The following METTL15 variants were observed in gnomAD, a reference collection of about 807,000 sequenced individuals.
METTL15 encodes 12S rRNA N(4)-cytidine methyltransferase METTL15.
A neutral mutation model predicts 38.3 loss-of-function variants in METTL15; 34 were observed. That is an observed-to-expected ratio of 0.89 (90% CI 0.68 to 1.18). METTL15 has a LOEUF of 1.18. Ranked by LOEUF, METTL15 falls within the 50% of genes most tolerant of loss-of-function variation. The probability of loss-of-function intolerance (pLI) is 0.00; values close to 1 mark genes in which losing one functional copy is unlikely to be tolerated. For missense variants in METTL15, 438 were observed against 498.4 expected (o/e 0.88, Z 1.15); for synonymous variants, 162 against 170.9 (o/e 0.95, Z 0.41).
At chr11:28,346,682 C>G (rs1849998614) in intron 3 of METTL15, among the ~76,000 whole-genome samples, 1 of 152,096 alleles carries the variant, frequency 6.6e-6, no homozygotes, top group Admixed American at 6.6e-5. Context: ...TACTTTACAA[C>G]AATAACAATG....
At chr11:28,327,286 C>T (rs1209836442) in intron 6 of METTL15, among the ~76,000 whole-genome samples, 8 of 152,102 alleles carry the variant, frequency 5.3e-5, no homozygotes, top group Admixed American at 4.6e-4. Context: ...GTGAGAAGGC[C>T]CCAGAAGGAA....
chr11:28,119,208 A>G (rs1852103034), intron 3 of METTL15, among the ~76,000 whole-genome samples: 1 of 152,200 alleles, frequency 6.6e-6, no homozygotes, highest in Non-Finnish European at 1.5e-5. Context: ...TGATGAGATT[A>G]TTTGTTCAAT....
chr11:28,497,607 T>G (rs1851546416), intron 6 of METTL15, among the ~76,000 whole-genome samples: 1 of 152,182 alleles, frequency 6.6e-6, no homozygotes, highest in Admixed American at 6.6e-5. Flanking sequence ...TTCTCACAAT[T>G]CTAGAGGCTG....
Position 28,341,317 on chromosome 11 carries a change from A to T in METTL15, c.*190-10773A>T, listed in dbSNP as rs147528966. 5.8e-3 allele frequency among the ~76,000 whole-genome samples: 880 copies of T among 152,164 alleles called. 5 individuals carry two copies. Among genetic ancestry groups the T allele is most frequent in the African/African-American group, 0.018 (754 of 41,530 alleles). The stretch of plus-strand genomic sequence containing the variant: ...GTATCTCAAAACTTAAAGTATAATT[A>T]AAAAAAATTTGCTATTCTATTTACT... On this transcript the variant is annotated intron_variant and NMD_transcript_variant, in intron 3 of 7. Coordinates refer to the METTL15 transcript ENST00000532947.
chr11:28,278,112 A>G (rs1263158016), intron 4 of METTL15, among the ~76,000 whole-genome samples: 1 of 152,170 alleles, frequency 6.6e-6, no homozygotes, highest in Non-Finnish European at 1.5e-5. Flanking sequence ...GTACAAAAAC[A>G]ACAACCCAGA....
intron 3 of METTL15, among the ~76,000 whole-genome samples, chr11:28,149,261 G>T (rs537378607): frequency 2.7e-5 from 4 of 150,576 alleles, no homozygotes; most frequent in Non-Finnish European, 5.9e-5. Context: ...ATTAGAGGTT[G>T]TTCATAAAGT....
intron 6 of METTL15, among the ~76,000 whole-genome samples, chr11:28,498,543 A>G (rs966504855): frequency 2.0e-5 from 3 of 152,202 alleles, no homozygotes; most frequent in Non-Finnish European, 4.4e-5. Context: ...CTAAGCAACT[A>G]TCTTTGCAAT....
At chr11:28,514,566 A>G (rs1851703570) in intron 6 of METTL15, among the ~76,000 whole-genome samples, 2 of 152,226 alleles carry the variant, frequency 1.3e-5, no homozygotes, top group South Asian at 4.1e-4. Context: ...ACTTGCAACT[A>G]AAAGCATGCT....
intron 5 of METTL15, among the ~76,000 whole-genome samples, chr11:28,391,597 G>A (rs2133394274): frequency 6.6e-6 from 1 of 152,214 alleles, no homozygotes; most frequent in Admixed American, 6.6e-5. Flanking sequence ...AAACAGCATG[G>A]TACTGGTACC....
intron 3 of METTL15, among the ~76,000 whole-genome samples, chr11:28,341,880 C>T (rs1245009440): frequency 6.6e-6 from 1 of 152,122 alleles, no homozygotes. Context: ...ACACCATCAC[C>T]CCAAATTTCT....
intron 4 of METTL15, among the ~76,000 whole-genome samples, chr11:28,213,002 A>G (rs889795177): frequency 1.3e-5 from 2 of 151,982 alleles, no homozygotes; most frequent in Non-Finnish European, 2.9e-5. Flanking sequence ...TATTCTTTTC[A>G]GTTTATAGAT....
chr11:28,188,453 G>C (rs1326620074), intron 3 of METTL15, among the ~76,000 whole-genome samples: 2 of 151,240 alleles, frequency 1.3e-5, no homozygotes, highest in Non-Finnish European at 3.0e-5. Context: ...TCTGAATGAA[G>C]AGTTGATGTA....
chr11:28,236,385 C>G (rs1380377719), intron 4 of METTL15, among the ~76,000 whole-genome samples: 4 of 152,134 alleles, frequency 2.6e-5, no homozygotes. Context: ...AGGAATGGTA[C>G]CAGTTCCTCC....
At position 28,330,750 on chromosome 11, in the gene METTL15, T is replaced by C. The variant is rs1380557663; in HGVS notation, c.1133T>C (p.Ile378Thr). ...MRRAPLMWEL[I>T]HKKVLSPQDQ... is the part of the protein sequence containing the mutation. ...AGAGCTCCTTTAATGTGGGAATTGA[T>C]ACACAAGAAGGTACTTAGTCCACAA... Residue 378 changes from isoleucine (I) to threonine (T), a missense_variant, in exon 7 of 7, where the codon ATA becomes ACA. Transcript: ENST00000407364. 1.3e-6 allele frequency: 2 copies of C among 1,551,706 alleles called. No homozygotes were observed. The highest frequency in any genetic ancestry group is 1.7e-6 in the Non-Finnish European group (2 of 1,146,846).
chr11:28,408,768 G>GCA (rs1399925799), intron 5 of METTL15, among the ~76,000 whole-genome samples: 2 of 151,822 alleles, frequency 1.3e-5, no homozygotes, highest in African/African-American at 2.4e-5. Flanking sequence ...TCAAACACAT[G>GCA]CACACACACA....
At chr11:28,321,563 C>T (rs1229509368) in intron 6 of METTL15, among the ~76,000 whole-genome samples, 2 of 152,002 alleles carry the variant, frequency 1.3e-5, no homozygotes, top group African/African-American at 4.8e-5. Context: ...TACTATGTTT[C>T]CTGGATGCAT....
intron 5 of METTL15, among the ~76,000 whole-genome samples, chr11:28,389,270 G>A (rs1427357666): frequency 1.3e-5 from 2 of 150,324 alleles, no homozygotes; most frequent in African/African-American, 4.9e-5. Flanking sequence ...TACGGTACAT[G>A]TGCACAATGT....
chr11:28,374,141 C>T lies in METTL15; in HGVS notation c.*358+12105C>T, dbSNP rs542794456. Among the ~76,000 whole-genome samples, 14 of 152,140 alleles carry T rather than the reference C, an allele frequency of 9.2e-5. No individual in the cohort carries two copies. The East Asian group carries it at 9.7e-4, about 10-fold the overall frequency. Reference sequence around the variant, plus strand: ...TTCTTTTGGCTTAGGATTGACATGGCGATGCGGGCTCTTTTTTGGTTCCGT... The same window carrying T: ...TTCTTTTGGCTTAGGATTGACATGGTGATGCGGGCTCTTTTTTGGTTCCGT... On this transcript the variant is annotated intron_variant and NMD_transcript_variant, in intron 5 of 7. Transcript: ENST00000532947.
Position 28,186,623 on chromosome 11 carries a change from G to A in METTL15, c.271-24439G>A, listed in dbSNP as rs1296421499. Among the ~76,000 whole-genome samples the A allele has an allele frequency of 5.1e-4, 77 of 151,166 alleles. 1 individual carries two copies. The highest frequency in any genetic ancestry group is 4.5e-5 in the Non-Finnish European group (3 of 67,360). ...TAGTACTGTGTTATAGGTGAAAATA[G>A]TGAAGGTTAAAGTGAGAAGGAAGTT... On this transcript the variant is annotated intron_variant, in intron 3 of 6. Transcript: ENST00000407364.
Sources: gnomAD v4.1 joint callset for allele counts (sites outside exome capture counted in the v4.1 genomes callset) on GRCh38, gnomAD v4.1.1 for gene constraint, MANE v1.5 for transcripts, NCBI Gene and HGNC (gene_info 2026-07-23, HGNC 2026-07-21) for gene names.